LRRC24: variants seen among roughly 807,000 people sequenced by gnomAD.
The protein encoded by LRRC24 is leucine rich repeat containing 24, also known as leucine-rich repeat-containing protein 24.
A neutral mutation model predicts 15.3 loss-of-function variants in LRRC24; 19 were observed. That is an observed-to-expected ratio of 1.25 (90% CI 0.87 to 1.83). The LOEUF (loss-of-function observed/expected upper bound fraction) is 1.83, where lower values mean the gene tolerates loss of function less well. LRRC24 is among the 40% of genes most tolerant of loss of function. LRRC24 has a pLI of 0.00. For missense variants in LRRC24, 914 were observed against 723.9 expected (o/e 1.26, Z -3.01); for synonymous variants, 469 against 359.6 (o/e 1.30, Z -3.44).
chr8:144,523,880 C>T (rs1233440449), intron 4 of LRRC24: 3 of 574,430 alleles, frequency 5.2e-6, no homozygotes, highest in African/African-American at 1.9e-5. Context: ...ACCCTCAATT[C>T]TGTTAAGTCA....
chr8:144,523,932 C>T, intron 4 of LRRC24, 178 bp downstream of exon 4: 1 of 706,418 alleles, frequency 1.4e-6, no homozygotes, highest in South Asian at 1.9e-5. Context: ...AGGCAGGGTG[C>T]CTGAGCTGTA....
At chr8:144,525,180 AT>A (rs1816319006) in intron 1 of LRRC24, 147 bp from the exon 2 acceptor site, 1 of 490,496 alleles carries the variant, frequency 2.0e-6, no homozygotes, top group African/African-American at 2.0e-5. Flanking sequence ...TGACAAAAAC[AT>A]TTTCTTAAAG....
At chr8:144,523,561 C>G (rs1025217829) in intron 4 of LRRC24, 152 bp from the exon 5 acceptor site, 41 of 1,272,022 alleles carry the variant, frequency 3.2e-5, no homozygotes, top group Non-Finnish European at 4.0e-5. Context: ...TTCCTTGACC[C>G]CAAGCTCCTT....
At position 144,526,992 on chromosome 8, in the gene LRRC24, G is replaced by C. The variant is rs1169301645; in HGVS notation, c.-92C>G. On this transcript the variant is annotated 5_prime_UTR_variant, in exon 1 of 5. Coordinates refer to ENST00000529415, the MANE Select transcript of LRRC24 (RefSeq NM_001024678.4). ...TCCCGCGGCGAGCGGCTCCCCCGCCGTGCAGGTGGCGGCCGGGCCCGAGCA... is the reference window on the plus strand; with the variant it reads ...TCCCGCGGCGAGCGGCTCCCCCGCCCTGCAGGTGGCGGCCGGGCCCGAGCA... 6.5e-6 allele frequency: 1 copy of C among 153,340 alleles called. No homozygotes were observed. Among genetic ancestry groups the C allele is most frequent in the East Asian group, 1.9e-4 (1 of 5,236 alleles). The allele number at this position is 153,340 out of a possible 1,614,324, so 9.5% of individuals were successfully genotyped here.
Position 144,522,438 on chromosome 8 carries a change from A to G in LRRC24, c.*37T>C. 6 of 1,387,308 alleles carry G rather than the reference A, an allele frequency of 4.3e-6. No homozygotes were observed. Among genetic ancestry groups the G allele is most frequent in the Non-Finnish European group, 4.6e-6 (5 of 1,079,304 alleles). 85.9% of individuals were successfully genotyped at this position (1,387,308 alleles called of 1,614,324 possible). On this transcript the variant is annotated 3_prime_UTR_variant, in exon 5 of 5. Transcript: ENST00000529415. ...GAGCATGCGCGAGGCCGCACCGGCC[A>G]ATCTCCGGCGCCCACGTCATCCGCG...
At position 144,524,666 on chromosome 8, in the gene LRRC24, C is replaced by T. The variant is rs1180569097; in HGVS notation, c.213G>A (p.Ala71=). 6.0e-6 allele frequency: 9 copies of T among 1,487,650 alleles called. No individual in the cohort carries two copies. Among genetic ancestry groups the T allele is most frequent in the Non-Finnish European group, 8.0e-6 (9 of 1,129,680 alleles). 92.2% of individuals were successfully genotyped at this position (1,487,650 alleles called of 1,614,324 possible). A position where few individuals can be genotyped will look rare whatever the true frequency, so the allele number is the denominator to read the frequency against. Residue 71 remains alanine, a synonymous_variant, in exon 3 of 5, where the codon GCG becomes GCA. Transcript: ENST00000529415. ...AGAGCCGGCGCAGAGCGGCGAGTGGCGCCAGGGCTCCCGGCTCTAGGCGGG... is the reference window on the plus strand; with the variant it reads ...AGAGCCGGCGCAGAGCGGCGAGTGGTGCCAGGGCTCCCGGCTCTAGGCGGG... ...NIARLEPGAL[A]PLAALRRLYL...
At chr8:144,523,964 G>T in intron 4 of LRRC24, 146 bp downstream of exon 4, 1 of 937,782 alleles carries the variant, frequency 1.1e-6, no homozygotes, top group Non-Finnish European at 1.6e-6. Flanking sequence ...ACCCACTCCC[G>T]CAGCCCTCCA....
At chr8:144,525,086 T>G in intron 1 of LRRC24, 53 bp from the exon 2 acceptor site, 3 of 1,216,992 alleles carry the variant, frequency 2.5e-6, no homozygotes, top group South Asian at 2.2e-5. Context: ...AGCCAATAGA[T>G]GGAATGGAGG....
At position 144,523,944 on chromosome 8, in the gene LRRC24, T is replaced by C. The variant is rs2721137; in HGVS notation, c.607+166A>G. The C allele has an allele frequency of 0.035, 27,356 of 771,176 alleles. 4,527 individuals are homozygous for C. In the African/African-American group the frequency reaches 0.39, roughly 11 times the overall value. The allele number at this position is 771,176 out of a possible 1,614,324, so 47.8% of individuals were successfully genotyped here. On this transcript the variant is annotated intron_variant, in intron 4 of 4. Transcript: ENST00000529415. ...CCCAGGCAGGGTGCCTGAGCTGTAT[T>C]CCCCAGCACACCCACTCCCGCAGCC... is the stretch of plus-strand genomic sequence containing the variant.
intron 1 of LRRC24, chr8:144,525,929 A>G (rs1316093567): frequency 6.6e-6 from 1 of 152,150 alleles, no homozygotes; most frequent in Admixed American, 6.5e-5. Flanking sequence ...ATATACATGT[A>G]CTTGTCGTAA....
Position 144,523,117 on chromosome 8 carries a change from G to T in LRRC24, c.900C>A (p.Arg300=). The change falls in exon 5 of 5, where the codon CGC becomes CGA. Residue 300 remains arginine (R), a synonymous_variant. Coordinates refer to ENST00000529415, the MANE Select transcript of LRRC24 (RefSeq NM_001024678.4). Reference sequence around the variant, plus strand: ...GGGCCTGGGCTCGCGGCCGGCCCTCGCGAGGCTGGGGCACCTTTCTCCAGG... The same window carrying T: ...GGGCCTGGGCTCGCGGCCGGCCCTCTCGAGGCTGGGGCACCTTTCTCCAGG... ...LVTWRKVPQP[R]EGRPRAQAQL... 1 of 1,609,592 alleles carries T rather than the reference G, an allele frequency of 6.2e-7. No homozygotes were observed. Among genetic ancestry groups the T allele is most frequent in the Non-Finnish European group, 8.5e-7 (1 of 1,179,468 alleles).
chr8:144,522,432 C>T lies in LRRC24; in HGVS notation c.*43G>A, dbSNP rs1203949939. 7.2e-7 allele frequency: 1 copy of T among 1,384,792 alleles called. No homozygotes were observed. Among genetic ancestry groups the T allele is most frequent in the Non-Finnish European group, 9.3e-7 (1 of 1,077,684 alleles). 85.8% of individuals were successfully genotyped at this position (1,384,792 alleles called of 1,614,324 possible). ...CTGACGGAGCATGCGCGAGGCCGCA[C>T]CGGCCAATCTCCGGCGCCCACGTCA... On this transcript the variant is annotated 3_prime_UTR_variant, in exon 5 of 5. Coordinates refer to ENST00000529415, the MANE Select transcript of LRRC24 (RefSeq NM_001024678.4).
chr8:144,524,379 C>T (rs1816267123), intron 3 of LRRC24, 62 bp downstream of exon 3: 1 of 1,593,804 alleles, frequency 6.3e-7, no homozygotes, highest in African/African-American at 1.3e-5. Flanking sequence ...CTAACTATTC[C>T]AGCCCTACAG....
At chr8:144,524,013 G>T in intron 4 of LRRC24, 97 bp downstream of exon 4, 1 of 1,406,346 alleles carries the variant, frequency 7.1e-7, no homozygotes, top group Non-Finnish European at 9.7e-7. Flanking sequence ...CCAGACTGCT[G>T]CCCAGTTGCC....
At position 144,524,257 on chromosome 8, in the gene LRRC24, G is replaced by T; in HGVS notation, c.460C>A (p.Gln154Lys). The T allele has an allele frequency of 1.2e-6, 2 of 1,612,394 alleles. No homozygotes were observed. The highest frequency in any genetic ancestry group is 8.5e-7 in the Non-Finnish European group (1 of 1,179,946). The part of the protein sequence containing the change: ...HLPRLQELHL[Q>K]ENSIELLEDQ... ...TCCAGCAGCTCAATGCTGTTTTCTT[G>T]CAGGTGAAGCTCCTGCAGTCGCTGA... is the stretch of plus-strand genomic sequence containing the variant. The change falls in exon 4 of 5, where the codon CAA becomes AAA. Residue 154 changes from glutamine (Q) to lysine (K), a missense_variant. Gln to Lys is a moderately conservative substitution (Grantham distance 53, BLOSUM62 1). Transcript: ENST00000529415.
chr8:144,524,294 C>G lies in LRRC24; in HGVS notation c.439-16G>C, dbSNP rs1338417778. On this transcript the variant is annotated splice_polypyrimidine_tract_variant and intron_variant, in intron 3 of 4. Transcript: ENST00000529415. Reference sequence around the variant, plus strand: ...CCTGCAGTCGCTGAAGTAAGGACAGCAGATCGTGAGGAAAAAGGGCGCCGA... The same window carrying G: ...CCTGCAGTCGCTGAAGTAAGGACAGGAGATCGTGAGGAAAAAGGGCGCCGA... 6.2e-7 allele frequency: 1 copy of G among 1,609,846 alleles called. No individual in the cohort carries two copies. The highest frequency in any genetic ancestry group is 8.5e-7 in the Non-Finnish European group (1 of 1,179,824).
chr8:144,524,518 G>C lies in LRRC24; in HGVS notation c.361C>G (p.Leu121Val). 1 of 1,593,134 alleles carries C rather than the reference G, an allele frequency of 6.3e-7. No homozygotes were observed. Among genetic ancestry groups the C allele is most frequent in the Non-Finnish European group, 8.5e-7 (1 of 1,177,906 alleles). ...AGGTAGAGCACGCGCAGCTGGGCCA[G>C]GCCTACGAAGGCGCCGCTGCGCAAG... is the stretch of plus-strand genomic sequence containing the variant. Reference protein sequence around the residue: ...RGLRSGAFVGLAQLRVLYLAG... With the variant: ...RGLRSGAFVGVAQLRVLYLAG... The change falls in exon 3 of 5, where the codon CTG becomes GTG. Residue 121 changes from leucine (L) to valine (V), a missense_variant. Leu to Val is a conservative substitution (Grantham distance 32). Coordinates refer to ENST00000529415, the MANE Select transcript of LRRC24 (RefSeq NM_001024678.4).
At chr8:144,523,538 G>GC (rs1816219292) in intron 4 of LRRC24, 129 bp from the exon 5 acceptor site, 2 of 1,361,628 alleles carry the variant, frequency 1.5e-6, no homozygotes, top group Admixed American at 6.8e-5. Context: ...GGAGTCCAAG[G>GC]CCCTGCCACC....
Position 144,522,457 on chromosome 8 carries a change from A to C in LRRC24, c.*18T>G. On this transcript the variant is annotated 3_prime_UTR_variant, in exon 5 of 5. Coordinates refer to ENST00000529415, the MANE Select transcript of LRRC24 (RefSeq NM_001024678.4). ...CCGGCCAATCTCCGGCGCCCACGTC[A>C]TCCGCGCGCCCGCGGCCCTAGCAGT... The C allele has an allele frequency of 7.1e-7, 1 of 1,399,572 alleles. No individual in the cohort carries two copies. The highest frequency in any genetic ancestry group is 9.2e-7 in the Non-Finnish European group (1 of 1,085,630). 86.7% of individuals were successfully genotyped at this position (1,399,572 alleles called of 1,614,324 possible).
Sources: gnomAD v4.1 joint callset for allele counts on GRCh38, gnomAD v4.1.1 for gene constraint, MANE v1.5 for transcripts, NCBI Gene and HGNC (gene_info 2026-07-23, HGNC 2026-07-21) for gene names.